The following ROBO2 variants were observed in gnomAD, a reference collection of about 807,000 sequenced individuals.
The protein encoded by ROBO2 is roundabout guidance receptor 2.
Under a neutral mutation model 160.8 loss-of-function variants are expected in ROBO2, and 53 were observed. The ratio of observed to expected loss-of-function variants is 0.33; its 90% confidence interval spans 0.26 to 0.41. ROBO2 has a LOEUF of 0.41. Among genes scored for constraint, ROBO2 ranks in the 10% least tolerant of loss-of-function variants. The probability of loss-of-function intolerance (pLI) is 1.00; values close to 1 mark genes in which losing one functional copy is unlikely to be tolerated. For synonymous variants in ROBO2, 664 were observed against 611.7 expected (o/e 1.09, Z -1.26); for missense variants, 1,577 against 1,722.4 (o/e 0.92, Z 1.49).
chr3:76,399,309 T>C (rs751822739), intron 2 of ROBO2, among the ~76,000 whole-genome samples: 2 of 151,728 alleles, frequency 1.3e-5, no homozygotes, highest in Non-Finnish European at 2.9e-5. Context: ...TCTCTAAAAA[T>C]GGATCATCTG....
At chr3:76,873,092 T>C (rs1460957093) in intron 2 of ROBO2, among the ~76,000 whole-genome samples, 1 of 152,180 alleles carries the variant, frequency 6.6e-6, no homozygotes, top group Admixed American at 6.5e-5. Flanking sequence ...GCCAGGAACT[T>C]CTTATTCTTC....
At chr3:76,648,684 G>A (rs1470880825) in intron 2 of ROBO2, among the ~76,000 whole-genome samples, 1 of 151,876 alleles carries the variant, frequency 6.6e-6, no homozygotes, top group Non-Finnish European at 1.5e-5. Context: ...ATGAGGTCAG[G>A]TATCAATGAT....
At chr3:77,057,430 T>C (rs1207696628) in intron 1 of ROBO2, among the ~76,000 whole-genome samples, 1 of 151,952 alleles carries the variant, frequency 6.6e-6, no homozygotes, top group Non-Finnish European at 1.5e-5. Flanking sequence ...CTGCATGTTG[T>C]GCACATGTAC....
chr3:77,493,201 A>G (rs1259964755), intron 4 of ROBO2, 43 bp from the exon 5 acceptor site: 2 of 1,604,318 alleles, frequency 1.2e-6, no homozygotes, highest in Non-Finnish European at 1.7e-6. Flanking sequence ...AGCATGCATA[A>G]TAGTTTATCT....
At chr3:76,383,757 A>C (rs534708758) in intron 2 of ROBO2, among the ~76,000 whole-genome samples, 14 of 152,346 alleles carry the variant, frequency 9.2e-5, no homozygotes, top group African/African-American at 3.4e-4. Context: ...AGCATACCCA[A>C]TTCTGTTAGA....
In ROBO2 at chr3:76,810,255, G is replaced by A. The variant is rs78775059; in HGVS notation, c.110-287759G>A. On this transcript the variant is annotated intron_variant, in intron 2 of 26. Coordinates refer to the ROBO2 transcript ENST00000487694. ...ATGTCTTAAAAACAAGGCAGTCAAC[G>A]TCCTAAGGAATTCAGTAACACGGAG... is the stretch of plus-strand genomic sequence containing the variant. Among the ~76,000 whole-genome samples the A allele has an allele frequency of 8.0e-3, 1,216 of 152,176 alleles. 15 individuals are homozygous for A. The highest frequency in any genetic ancestry group is 0.019 in the South Asian group (94 of 4,822).
At chr3:76,010,971 C>A (rs2066174690) in intron 2 of ROBO2, among the ~76,000 whole-genome samples, 1 of 152,096 alleles carries the variant, frequency 6.6e-6, no homozygotes, top group Non-Finnish European at 1.5e-5. Context: ...AAAGAGAAGA[C>A]CCCCAGAGCT....
At chr3:76,535,008 C>T (rs2082417205) in intron 2 of ROBO2, among the ~76,000 whole-genome samples, 1 of 152,006 alleles carries the variant, frequency 6.6e-6, no homozygotes, top group Non-Finnish European at 1.5e-5. Flanking sequence ...TGGGCTTTCC[C>T]TGAAACCTTG....
chr3:77,382,031 T>C (rs1333436894), intron 2 of ROBO2, among the ~76,000 whole-genome samples: 1 of 152,164 alleles, frequency 6.6e-6, no homozygotes, highest in Non-Finnish European at 1.5e-5. Context: ...GCTAAGTTTG[T>C]CCTTGATGTT....
intron 2 of ROBO2, among the ~76,000 whole-genome samples, chr3:75,984,983 A>G (rs1333710518): frequency 2.0e-5 from 3 of 151,494 alleles, no homozygotes; most frequent in African/African-American, 2.4e-5. Flanking sequence ...TCTAATCCCT[A>G]TTAGTATCTG....
At chr3:76,918,689 T>C in intron 2 of ROBO2, among the ~76,000 whole-genome samples, 1 of 152,206 alleles carries the variant, frequency 6.6e-6, no homozygotes, top group Non-Finnish European at 1.5e-5. Flanking sequence ...ACACTTCATT[T>C]TCAGTCAGCA....
intron 2 of ROBO2, among the ~76,000 whole-genome samples, chr3:76,751,597 A>T (rs2060653084): frequency 6.6e-6 from 1 of 152,294 alleles, no homozygotes; most frequent in African/African-American, 2.4e-5. Context: ...TTTATAAGAG[A>T]AAATCAAACA....
chr3:76,583,626 T>C (rs1407772276), intron 2 of ROBO2, among the ~76,000 whole-genome samples: 2 of 152,134 alleles, frequency 1.3e-5, no homozygotes, highest in Non-Finnish European at 2.9e-5. Flanking sequence ...TCACTGTCTC[T>C]TCAATAACCG....
chr3:77,251,904 C>T (rs2090396798), intron 2 of ROBO2, among the ~76,000 whole-genome samples: 1 of 152,176 alleles, frequency 6.6e-6, no homozygotes, highest in African/African-American at 2.4e-5. Flanking sequence ...ATTACCCAGT[C>T]TCAGGTATGT....
chr3:77,169,959 T>C (rs1156912406), intron 2 of ROBO2, among the ~76,000 whole-genome samples: 3 of 152,116 alleles, frequency 2.0e-5, no homozygotes, highest in Non-Finnish European at 4.4e-5. Flanking sequence ...CTTCCTTTCT[T>C]TGTACCTAAC....
At chr3:76,761,320 A>C (rs1005122829) in intron 2 of ROBO2, among the ~76,000 whole-genome samples, 1 of 151,670 alleles carries the variant, frequency 6.6e-6, no homozygotes, top group African/African-American at 2.4e-5. Flanking sequence ...CTCATTTCTC[A>C]TTTCTATTGG....
intron 2 of ROBO2, among the ~76,000 whole-genome samples, chr3:76,340,620 A>G (rs967020075): frequency 1.8e-4 from 28 of 152,184 alleles, no homozygotes; most frequent in African/African-American, 6.5e-4. Context: ...GTCACAAAGC[A>G]TATTATGATT....
chr3:76,728,972 C>A (rs1192216584), intron 2 of ROBO2, among the ~76,000 whole-genome samples: 1 of 151,974 alleles, frequency 6.6e-6, no homozygotes, highest in Non-Finnish European at 1.5e-5. Flanking sequence ...ATGTTTCTCT[C>A]TGTCTCTGCC....
At chr3:77,250,312 T>C (rs528367320) in intron 2 of ROBO2, among the ~76,000 whole-genome samples, 15 of 152,316 alleles carry the variant, frequency 9.8e-5, no homozygotes, top group African/African-American at 3.4e-4. Context: ...CCGTCTGGTA[T>C]TGTGAAAGAT....
Sources: gnomAD v4.1 joint callset for allele counts (sites outside exome capture counted in the v4.1 genomes callset) on GRCh38, gnomAD v4.1.1 for gene constraint, MANE v1.5 for transcripts, NCBI Gene and HGNC (gene_info 2026-07-23, HGNC 2026-07-21) for gene names.